Variants in GPD1 observed in about 807,000 individuals in gnomAD.
GPD1 encodes glycerol-3-phosphate dehydrogenase [NAD(+)], cytoplasmic.
Under a neutral mutation model 34.4 loss-of-function variants are expected in GPD1, and 19 were observed. The observed-to-expected ratio is 0.55, with a 90% CI of 0.39 to 0.81. The LOEUF (loss-of-function observed/expected upper bound fraction) is 0.81. GPD1 is among the 30% of genes least tolerant of loss of function. The probability of loss-of-function intolerance (pLI) is 0.00; values close to 1 mark genes in which losing one functional copy is unlikely to be tolerated. For synonymous variants in GPD1, 172 were observed against 174.1 expected, an observed-to-expected ratio of 0.99 and a Z score of 0.09; for missense variants, 429 against 447.0, an observed-to-expected ratio of 0.96 and a Z score of 0.36.
At position 50,109,578 on chromosome 12, in the gene GPD1, T is replaced by TG; in HGVS notation, c.*63dup. The TG allele has an allele frequency of 1.2e-6, 1 of 837,360 alleles. No individual in the cohort carries two copies. The highest frequency in any genetic ancestry group is 2.4e-5 in the East Asian group (1 of 41,326). The allele number at this position is 837,360 out of a possible 1,614,324, so 51.9% of individuals were successfully genotyped here. On this transcript the variant is annotated 3_prime_UTR_variant, in exon 8 of 8. Transcript: ENST00000301149. ...ACCCCAGTGGAGACCAGCAGAAGCC[T>TG]GGGGTACCTAGTCACCAGGATCTCC...
chr12:50,104,572 AG>A lies in GPD1; in HGVS notation c.44del, dbSNP rs774339875. The stretch of plus-strand genomic sequence containing the variant: ...ACTTTCCTGTGCTCCCCCTCCCACC[AG>A]GGGCTCAGCCATCGCCAAGATCGTG... On this transcript the variant is annotated splice_acceptor_variant, in intron 1 of 7. Coordinates refer to ENST00000301149, the MANE Select transcript of GPD1 (RefSeq NM_005276.4). LOFTEE classifies it high-confidence loss of function. The A allele has an allele frequency of 1.2e-6, 2 of 1,612,134 alleles. No individual in the cohort carries two copies. The highest frequency in any genetic ancestry group is 1.7e-6 in the Non-Finnish European group (2 of 1,178,426).
At position 50,109,418 on chromosome 12, in the gene GPD1, T is replaced by C; in HGVS notation, c.954-5T>C. The C allele has an allele frequency of 6.7e-7, 1 of 1,487,468 alleles. No individual in the cohort carries two copies. Among genetic ancestry groups the C allele is most frequent in the South Asian group, 1.1e-5 (1 of 88,738 alleles). 92.1% of individuals were successfully genotyped at this position (1,487,468 alleles called of 1,614,324 possible). Reference sequence around the variant, plus strand: ...CTAAGCTGAGCCTTTCCCTCTCCAATCTAGGTTTCCCTTGTTCATGGCTGT... The same window carrying C: ...CTAAGCTGAGCCTTTCCCTCTCCAACCTAGGTTTCCCTTGTTCATGGCTGT... On this transcript the variant is annotated splice_polypyrimidine_tract_variant and splice_region_variant and intron_variant, in intron 7 of 7. Coordinates refer to ENST00000301149, the MANE Select transcript of GPD1 (RefSeq NM_005276.4).
At chr12:50,104,257 C>T (rs1950962092) in intron 1 of GPD1, 166 bp downstream of exon 1, 2 of 741,376 alleles carry the variant, frequency 2.7e-6, no homozygotes, top group South Asian at 3.1e-5. Flanking sequence ...CTCCTGACCC[C>T]CGCCCTCCTG....
chr12:50,106,552 G>A (rs1229763890), intron 4 of GPD1, 126 bp downstream of exon 4: 3 of 961,946 alleles, frequency 3.1e-6, no homozygotes, highest in Non-Finnish European at 4.7e-6. Context: ...CATCAGAGGT[G>A]AAGGAGGCTG....
In GPD1 at chr12:50,108,004, T is replaced by C. The variant is rs904642561; in HGVS notation, c.847-20T>C. On this transcript the variant is annotated intron_variant, in intron 6 of 7. Transcript: ENST00000301149. ...ACCCTTCTCTCCCATTTCCATCCAC[T>C]CATCCTGTTTTCTGCACAGTCCATT... 3.3e-6 allele frequency: 5 copies of C among 1,509,036 alleles called. No individual in the cohort carries two copies. Among genetic ancestry groups the C allele is most frequent in the Non-Finnish European group, 4.6e-6 (5 of 1,088,082 alleles). The allele number at this position is 1,509,036 out of a possible 1,614,324, so 93.5% of individuals were successfully genotyped here.
intron 3 of GPD1, 47 bp downstream of exon 3, chr12:50,105,735 T>C (rs1268495138): frequency 1.3e-6 from 2 of 1,595,906 alleles, no homozygotes; most frequent in Non-Finnish European, 8.6e-7. Context: ...CGGCTCACTG[T>C]TGTGGGGTTC....
chr12:50,104,563 C>T lies in GPD1; in HGVS notation c.42-11C>T, dbSNP rs1261498653. 1 of 1,609,974 alleles carries T rather than the reference C, an allele frequency of 6.2e-7. No individual in the cohort carries two copies. The highest frequency in any genetic ancestry group is 8.5e-7 in the Non-Finnish European group (1 of 1,176,434). On this transcript the variant is annotated splice_polypyrimidine_tract_variant and intron_variant, in intron 1 of 7. Coordinates refer to ENST00000301149, the MANE Select transcript of GPD1 (RefSeq NM_005276.4). ...TCCTCCTGTACTTTCCTGTGCTCCC[C>T]CTCCCACCAGGGGCTCAGCCATCGC... is the stretch of plus-strand genomic sequence containing the variant.
chr12:50,107,116 C>T, intron 5 of GPD1, 199 bp downstream of exon 5: 1 of 692,534 alleles, frequency 1.4e-6, no homozygotes, highest in Non-Finnish European at 2.6e-6. Flanking sequence ...CATCATCAGA[C>T]CGTGGACCCC....
intron 5 of GPD1, 185 bp from the exon 6 acceptor site, chr12:50,107,382 C>A: frequency 1.4e-6 from 1 of 707,822 alleles, no homozygotes. Context: ...GAGTATGGGG[C>A]AGGGCTTAAG....
In GPD1 at chr12:50,109,095, A is replaced by T. The variant is rs1468998434; in HGVS notation, c.954-328A>T. 3.4e-5 allele frequency among the ~76,000 whole-genome samples: 5 copies of T among 145,130 alleles called. No homozygotes were observed. The East Asian group carries it at 6.1e-4, about 18-fold the overall frequency. ...GGTTGCAGTGAGCCAAGATTGCACCACTGCGCTCCAGCCTAGGCGACAGAG... is the reference window on the plus strand; with the variant it reads ...GGTTGCAGTGAGCCAAGATTGCACCTCTGCGCTCCAGCCTAGGCGACAGAG... On this transcript the variant is annotated intron_variant, in intron 7 of 7. Coordinates refer to ENST00000301149, the MANE Select transcript of GPD1 (RefSeq NM_005276.4).
At chr12:50,105,952 G>A in intron 3 of GPD1, 1 of 677,008 alleles carries the variant, frequency 1.5e-6, no homozygotes, top group Non-Finnish European at 2.7e-6. Context: ...TGGGAGATAT[G>A]AGAAGCGGGC....
At chr12:50,107,266 A>G (rs1414150765) in intron 5 of GPD1, 7 of 641,542 alleles carry the variant, frequency 1.1e-5, no homozygotes, top group Non-Finnish European at 2.0e-5. Context: ...GGCCAGAACT[A>G]TGGATCCTGG....
At chr12:50,105,307 T>A in intron 2 of GPD1, 1 of 561,564 alleles carries the variant, frequency 1.8e-6, no homozygotes, top group Non-Finnish European at 3.2e-6. Context: ...AGGAGAGTGC[T>A]GGGATGAGGT....
rs750972738 is a variant in GPD1 at position 50,104,709 on chromosome 12, G to A, written c.177G>A (p.Glu59=). Residue 59 remains glutamate, a synonymous_variant, in exon 2 of 8, where the codon GAG becomes GAA. Transcript: ENST00000301149. ...CTGAGATCATCAACACGCAGCATGA[G>A]AATGTCAAATACCTGCCAGGGCACA... is the stretch of plus-strand genomic sequence containing the variant. The part of the protein sequence containing the change: ...KLTEIINTQH[E]NVKYLPGHKL... 7 of 1,614,112 alleles carry A rather than the reference G, an allele frequency of 4.3e-6. No homozygotes were observed. In the East Asian group the frequency reaches 1.3e-4, roughly 31 times the overall value.
chr12:50,109,826 G>A lies in GPD1; in HGVS notation c.*307G>A. The A allele has an allele frequency of 2.8e-6, 1 of 352,390 alleles. No homozygotes were observed. The highest frequency in any genetic ancestry group is 3.2e-5 in the South Asian group (1 of 31,078). The allele number at this position is 352,390 out of a possible 1,614,324, so 21.8% of individuals were successfully genotyped here. On this transcript the variant is annotated 3_prime_UTR_variant, in exon 8 of 8. Transcript: ENST00000301149. ...CCCCAGTGCTGCCTGCTTGGTGGCG[G>A]GGGTGATGTATGTGGAGAAGGGTTG...
intron 5 of GPD1, 181 bp from the exon 6 acceptor site, chr12:50,107,386 G>A (rs1224067258): frequency 1.4e-6 from 1 of 711,094 alleles, no homozygotes; most frequent in African/African-American, 1.7e-5. Context: ...ATGGGGCAGG[G>A]CTTAAGAAAG....
rs866440028 is a variant in GPD1 at position 50,108,124 on chromosome 12, T to C, written c.947T>C (p.Val316Ala). ...AGCATCCTCCAGCACAAGGGCCTGG[T>C]AGACAAGTAAGTATTGGCCACAGCC... ...LYSILQHKGL[V>A]DKFPLFMAVY... The change falls in exon 7 of 8, where the codon GTA becomes GCA. Residue 316 changes from valine (V) to alanine (A), a missense_variant. Transcript: ENST00000301149. The C allele has an allele frequency of 6.3e-6, 10 of 1,589,002 alleles. No homozygotes were observed. In the Admixed American group the frequency reaches 8.4e-5, roughly 13 times the overall value.
chr12:50,110,091 C>T lies in GPD1; in HGVS notation c.*572C>T, dbSNP rs536373587. The T allele has an allele frequency of 2.0e-5, 3 of 152,786 alleles. No homozygotes were observed. The highest frequency in any genetic ancestry group is 1.9e-4 in the East Asian group (1 of 5,186). 9.5% of individuals were successfully genotyped at this position (152,786 alleles called of 1,614,324 possible). A position where few individuals can be genotyped will look rare whatever the true frequency, so the allele number is the denominator to read the frequency against. ...CAAAATACAAAGATCTCAAACAAAC[C>T]CCTTTTAGCTTCTCCTAGCAACATC... is the stretch of plus-strand genomic sequence containing the variant. On this transcript the variant is annotated 3_prime_UTR_variant, in exon 8 of 8. Coordinates refer to ENST00000301149, the MANE Select transcript of GPD1 (RefSeq NM_005276.4).
chr12:50,106,457 T>A, intron 4 of GPD1, 31 bp downstream of exon 4: 2 of 1,587,860 alleles, frequency 1.3e-6, no homozygotes, highest in Non-Finnish European at 1.7e-6. Flanking sequence ...GCATACACAG[T>A]GCATCTAGTT....
Sources: gnomAD v4.1 joint callset for allele counts (sites outside exome capture counted in the v4.1 genomes callset) on GRCh38, gnomAD v4.1.1 for gene constraint, MANE v1.5 for transcripts, NCBI Gene and HGNC (gene_info 2026-07-23, HGNC 2026-07-21) for gene names.